Variants in FNDC3A observed in about 807,000 individuals in gnomAD.
The protein encoded by FNDC3A is fibronectin type-III domain-containing protein 3A.
In FNDC3A, 32 loss-of-function variants were observed where a neutral mutation model predicts 148.9. The observed-to-expected ratio is 0.21, with a 90% CI of 0.16 to 0.29. FNDC3A has a LOEUF of 0.29. FNDC3A is among the 10% of genes least tolerant of loss of function. The pLI is 1.00. For missense variants in FNDC3A, 1,191 were observed against 1,452.8 expected, an observed-to-expected ratio of 0.82 and a Z score of 2.93; for synonymous variants, 472 against 473.6, an observed-to-expected ratio of 1.00 and a Z score of 0.04.
At chr13:48,977,819 A>G (rs754645537) in intron 1 of FNDC3A, among the ~76,000 whole-genome samples, 10 of 152,176 alleles carry the variant, frequency 6.6e-5, no homozygotes, top group Non-Finnish European at 1.0e-4. Context: ...GCACTACTAC[A>G]TTAAATTTTA....
intron 2 of FNDC3A, among the ~76,000 whole-genome samples, chr13:49,056,923 T>C (rs1193398629): frequency 2.0e-5 from 3 of 152,162 alleles, no homozygotes; most frequent in African/African-American, 7.2e-5. Context: ...AAACCTACAG[T>C]TTGTTTTGTC....
chr13:49,136,648 G>C (rs1223436975), intron 6 of FNDC3A, 47 bp downstream of exon 6: 21 of 1,550,354 alleles, frequency 1.4e-5, no homozygotes, highest in Non-Finnish European at 1.5e-5. Context: ...CTATTCTCGT[G>C]ATTTAACCTA....
chr13:49,039,959 C>A (rs772163437), intron 2 of FNDC3A, among the ~76,000 whole-genome samples: 10 of 152,222 alleles, frequency 6.6e-5, no homozygotes, highest in Non-Finnish European at 1.2e-4. Flanking sequence ...GGTGATCTGC[C>A]TGCCTCAGCC....
intron 11 of FNDC3A, among the ~76,000 whole-genome samples, chr13:49,173,202 A>G (rs768565831): frequency 6.6e-6 from 1 of 152,346 alleles, no homozygotes; most frequent in South Asian, 2.1e-4. Flanking sequence ...GTACCAAGCT[A>G]AGAAGAGGGG....
At chr13:49,006,839 G>A (rs1281443195) in intron 2 of FNDC3A, among the ~76,000 whole-genome samples, 1 of 151,958 alleles carries the variant, frequency 6.6e-6, no homozygotes, top group African/African-American at 2.4e-5. Flanking sequence ...TACTTATTAT[G>A]GGCCAGGCAA....
chr13:49,070,241 C>T (rs1417184632), intron 2 of FNDC3A, among the ~76,000 whole-genome samples: 6 of 151,960 alleles, frequency 3.9e-5, no homozygotes, highest in African/African-American at 1.5e-4. Context: ...AAGCAGTTCT[C>T]CTGCCGCAGC....
At chr13:49,172,197 CAAAA>C in intron 11 of FNDC3A, 101 bp downstream of exon 11, 1 of 680,530 alleles carries the variant, frequency 1.5e-6, no homozygotes, top group East Asian at 2.8e-5. Context: ...ATTCTTCTGT[CAAAA>C]AAAGTATGAA....
At chr13:49,057,683 T>G (rs1324270995) in intron 2 of FNDC3A, among the ~76,000 whole-genome samples, 1 of 152,182 alleles carries the variant, frequency 6.6e-6, no homozygotes, top group African/African-American at 2.4e-5. Flanking sequence ...TTTAATATAC[T>G]AATAATGAAA....
At chr13:49,188,668 T>A (rs536569544) in intron 17 of FNDC3A, 35 bp downstream of exon 17, 3 of 1,455,584 alleles carry the variant, frequency 2.1e-6, no homozygotes, top group Non-Finnish European at 2.9e-6. Flanking sequence ...TGTGTTGTTA[T>A]TAAGTTTGGC....
At position 49,178,550 on chromosome 13, in the gene FNDC3A, T is replaced by G; in HGVS notation, c.1531-18T>G. The G allele has an allele frequency of 6.7e-7, 1 of 1,497,220 alleles. No individual in the cohort carries two copies. The allele number at this position is 1,497,220 out of a possible 1,614,324, so 92.7% of individuals were successfully genotyped here. ...ATTGTTAGACATCGAATGAAGACTT[T>G]GTTTTTTCCTTTTCCAGGGATATGG... On this transcript the variant is annotated intron_variant, in intron 13 of 25. Transcript: ENST00000492622.
chr13:49,020,668 G>GT (rs1873256068), intron 2 of FNDC3A, among the ~76,000 whole-genome samples: 1 of 152,164 alleles, frequency 6.6e-6, no homozygotes, highest in Non-Finnish European at 1.5e-5. Context: ...CATCAGTGTT[G>GT]GGGGGTTATA....
rs753434713 is a variant in FNDC3A at position 49,168,708 on chromosome 13, G to A, written c.1133G>A (p.Arg378Lys). The change falls in exon 10 of 26, where the codon AGG becomes AAG. Residue 378 changes from arginine (R) to lysine (K), a missense_variant. Arg to Lys is a conservative substitution (Grantham distance 26). Around this residue, in one of 3 missense-constraint regions of FNDC3A, gnomAD observed 426 missense variants for 473.2 expected, o/e 0.90. Coordinates refer to ENST00000492622, the MANE Select transcript of FNDC3A (RefSeq NM_001079673.2). The part of the protein sequence containing the change: ...SCEPDIPNPP[R>K]IANRTKNSLT... ...GAACCTGATATACCTAATCCACCAAGGATAGCCAATCGGACCAAAAATTCA... is the reference window on the plus strand; with the variant it reads ...GAACCTGATATACCTAATCCACCAAAGATAGCCAATCGGACCAAAAATTCA... The A allele has an allele frequency of 1.2e-6, 2 of 1,613,588 alleles. No individual in the cohort carries two copies. The highest frequency in any genetic ancestry group is 2.2e-5 in the South Asian group (2 of 91,054).
At chr13:48,977,517 A>G (rs1369407961) in intron 1 of FNDC3A, among the ~76,000 whole-genome samples, 1 of 152,206 alleles carries the variant, frequency 6.6e-6, no homozygotes, top group African/African-American at 2.4e-5. Context: ...TGTGTCACCC[A>G]CAAATGTTCA....
intron 3 of FNDC3A, among the ~76,000 whole-genome samples, chr13:49,106,462 A>G (rs1048188286): frequency 1.3e-5 from 2 of 151,962 alleles, no homozygotes; most frequent in Non-Finnish European, 2.9e-5. Flanking sequence ...ACAGGCATGC[A>G]CCACCACACC....
chr13:49,187,317 G>A, intron 16 of FNDC3A, 127 bp downstream of exon 16: 1 of 876,430 alleles, frequency 1.1e-6, no homozygotes, highest in Non-Finnish European at 1.8e-6. Context: ...ATAAAAAGAT[G>A]TTCACTTCAC....
In FNDC3A at chr13:49,175,398, T is replaced by G. The variant is rs1297277053; in HGVS notation, c.1387T>G (p.Ser463Ala). ...TAGTGAAGAAGTCTTATATTACACC[T>G]CAGGCTGTGCTCCTTCTATGCCAGC... ...GFSEEVLYYT[S>A]GCAPSMPASP... Residue 463 changes from serine to alanine, a missense_variant, in exon 13 of 26, where the codon TCA becomes GCA. Physicochemically the swap from Ser to Ala is moderately conservative, Grantham distance 99. Around this residue, in one of 3 missense-constraint regions of FNDC3A, gnomAD observed 751 missense variants for 944.0 expected, o/e 0.80. Transcript: ENST00000492622. 5 of 1,605,938 alleles carry G rather than the reference T, an allele frequency of 3.1e-6. No homozygotes were observed. The highest frequency in any genetic ancestry group is 3.4e-6 in the Non-Finnish European group (4 of 1,176,660).
At chr13:49,110,308 A>G in intron 3 of FNDC3A, 2 of 1,557,612 alleles carry the variant, frequency 1.3e-6, no homozygotes, top group Non-Finnish European at 1.7e-6. Context: ...TGCAAAAAAA[A>G]AAAAAGCCGT....
intron 8 of FNDC3A, among the ~76,000 whole-genome samples, chr13:49,149,823 T>G (rs1307524287): frequency 6.6e-6 from 1 of 152,224 alleles, no homozygotes; most frequent in Admixed American, 6.5e-5. Context: ...CCTGGACTTT[T>G]CTTTGTTTGA....
intron 3 of FNDC3A, among the ~76,000 whole-genome samples, chr13:49,082,058 G>A (rs1182758499): frequency 6.6e-6 from 1 of 150,962 alleles, no homozygotes; most frequent in East Asian, 1.9e-4. Flanking sequence ...TCAAACTCAA[G>A]AAGATCAGAA....
Sources: allele counts gnomAD v4.1 joint callset (sites outside exome capture counted in the v4.1 genomes callset), GRCh38; gene constraint gnomAD v4.1.1; regional missense constraint gnomAD v4.1.1; transcripts MANE v1.5; gene names NCBI Gene and HGNC (gene_info 2026-07-23, HGNC 2026-07-21).